The following IRAG1 variants were observed in gnomAD, a reference collection of about 807,000 sequenced individuals.
The protein encoded by IRAG1 is IP3R-associated cGMP kinase substrate.
IRAG1 carries 62 observed loss-of-function variants against 106.2 expected under a neutral mutation model. The observed-to-expected ratio is 0.58, with a 90% CI of 0.48 to 0.72. IRAG1 has a LOEUF of 0.72. Ranked by LOEUF, IRAG1 falls within the 30% of genes least tolerant of loss-of-function variation. IRAG1 has a pLI of 0.00. For synonymous variants in IRAG1, 462 were observed against 443.9 expected, an observed-to-expected ratio of 1.04 and a Z score of -0.51; for missense variants, 1,064 against 1,140.7, an observed-to-expected ratio of 0.93 and a Z score of 0.97.
chr11:10,658,934 C>T (rs1405173862), intron 1 of IRAG1, among the ~76,000 whole-genome samples: 1 of 148,956 alleles, frequency 6.7e-6, no homozygotes, highest in Non-Finnish European at 1.5e-5. Flanking sequence ...CTGTGCTGTG[C>T]TCAGTCCCAG....
At chr11:10,680,342 AAGG>A (rs1861069082) in intron 1 of IRAG1, among the ~76,000 whole-genome samples, 1 of 96,502 alleles carries the variant, frequency 1.0e-5, no homozygotes, top group Non-Finnish European at 2.0e-5. Context: ...GGAAGGAAGG[AAGG>A]AAAGAAAGAA....
chr11:10,596,574 T>G (rs1853335105), intron 15 of IRAG1, among the ~76,000 whole-genome samples: 1 of 152,240 alleles, frequency 6.6e-6, no homozygotes, highest in Admixed American at 6.5e-5. Flanking sequence ...CCATTCTTTC[T>G]TGGCATATTT....
chr11:10,666,789 C>G (rs1859817444), intron 1 of IRAG1, among the ~76,000 whole-genome samples: 1 of 152,216 alleles, frequency 6.6e-6, no homozygotes, highest in South Asian at 2.1e-4. Context: ...AGCAGTTTTG[C>G]TGGAGCTGTT....
chr11:10,670,792 C>T (rs1860158288), intron 1 of IRAG1, among the ~76,000 whole-genome samples: 1 of 152,102 alleles, frequency 6.6e-6, no homozygotes, highest in African/African-American at 2.4e-5. Context: ...AAGGATGTGC[C>T]TATACAGAAG....
chr11:10,651,040 T>A (rs1453846812), intron 2 of IRAG1, among the ~76,000 whole-genome samples: 1 of 152,196 alleles, frequency 6.6e-6, no homozygotes, highest in Non-Finnish European at 1.5e-5. Context: ...TTAAAAAGCG[T>A]CTATCCCACC....
intron 15 of IRAG1, among the ~76,000 whole-genome samples, chr11:10,598,248 G>C (rs1471072224): frequency 6.6e-6 from 1 of 152,172 alleles, no homozygotes; most frequent in Non-Finnish European, 1.5e-5. Context: ...GGAAGCTGCA[G>C]GGTCAGCTTG....
chr11:10,620,554 T>C (rs2134503154), intron 10 of IRAG1, among the ~76,000 whole-genome samples: 1 of 152,288 alleles, frequency 6.6e-6, no homozygotes, highest in Admixed American at 6.5e-5. Flanking sequence ...ACATTTTAAG[T>C]TTGAGCTTCC....
In IRAG1 at chr11:10,629,542, T is replaced by C; in HGVS notation, c.570A>G (p.Pro190=). The change falls in exon 5 of 21, where the codon CCA becomes CCG. Residue 190 remains proline, a synonymous_variant. Coordinates refer to ENST00000423302, the MANE Select transcript of IRAG1 (RefSeq NM_130385.4). The part of the protein sequence containing the change: ...RKSRSSPGDS[P]SAVSPNLSPS... ...CTGTACATCCTGCCACCCTACCTGATGGGGAGTCTCCGGGGCTGCTCCTGG... is the reference window on the plus strand; with the variant it reads ...CTGTACATCCTGCCACCCTACCTGACGGGGAGTCTCCGGGGCTGCTCCTGG... 1 of 1,612,926 alleles carries C rather than the reference T, an allele frequency of 6.2e-7. No individual in the cohort carries two copies. Among genetic ancestry groups the C allele is most frequent in the Non-Finnish European group, 8.5e-7 (1 of 1,179,366 alleles).
intron 18 of IRAG1, among the ~76,000 whole-genome samples, chr11:10,582,398 G>A (rs928593517): frequency 1.3e-5 from 2 of 151,264 alleles, no homozygotes; most frequent in African/African-American, 2.4e-5. Context: ...CTAAGCCACA[G>A]GCACATTGTA....
At chr11:10,622,080 T>TA (rs1272667335) in intron 10 of IRAG1, among the ~76,000 whole-genome samples, 2 of 152,170 alleles carry the variant, frequency 1.3e-5, no homozygotes, top group Non-Finnish European at 2.9e-5. Context: ...ACTGTATACT[T>TA]AAAAATGGCT....
intron 2 of IRAG1, among the ~76,000 whole-genome samples, chr11:10,638,831 G>C (rs963293522): frequency 6.6e-6 from 1 of 152,166 alleles, no homozygotes; most frequent in African/African-American, 2.4e-5. Context: ...AAAAATAATT[G>C]TGGTGGTATT....
chr11:10,589,429 T>G (rs1189645417), intron 18 of IRAG1, among the ~76,000 whole-genome samples: 1 of 152,110 alleles, frequency 6.6e-6, no homozygotes, highest in Non-Finnish European at 1.5e-5. Context: ...TATATTTATT[T>G]ATTTATTTAT....
chr11:10,609,025 C>A (rs528013426), intron 11 of IRAG1, among the ~76,000 whole-genome samples: 1 of 152,288 alleles, frequency 6.6e-6, no homozygotes, highest in Admixed American at 6.5e-5. Flanking sequence ...CAACTTCACT[C>A]TTTTGTATGT....
intron 1 of IRAG1, among the ~76,000 whole-genome samples, chr11:10,674,609 T>G (rs1860503249): frequency 6.6e-6 from 1 of 152,170 alleles, no homozygotes; most frequent in Admixed American, 6.5e-5. Flanking sequence ...CACATTTTGT[T>G]CCACCCTCCT....
intron 1 of IRAG1, among the ~76,000 whole-genome samples, chr11:10,684,312 A>T (rs1466561540): frequency 6.6e-6 from 1 of 152,198 alleles, no homozygotes; most frequent in Non-Finnish European, 1.5e-5. Flanking sequence ...TTGTAGGGAC[A>T]TGGATGAAAC....
At chr11:10,622,876 G>GACACACACACACAGACACACACAC (rs1554923880) in intron 10 of IRAG1, among the ~76,000 whole-genome samples, 3 of 141,384 alleles carry the variant, frequency 2.1e-5, no homozygotes, top group Non-Finnish European at 4.7e-5. Flanking sequence ...GTAAGCAGTG[G>GACACACACACACAGACACACACAC]ACACACACAC....
chr11:10,667,572 C>T (rs1456817532), intron 1 of IRAG1, among the ~76,000 whole-genome samples: 1 of 152,154 alleles, frequency 6.6e-6, no homozygotes, highest in Non-Finnish European at 1.5e-5. Flanking sequence ...TTCTACATGT[C>T]CAGATGAGAA....
chr11:10,678,298 C>G (rs185337328), intron 1 of IRAG1, among the ~76,000 whole-genome samples: 1 of 152,214 alleles, frequency 6.6e-6, no homozygotes. Context: ...ACTGCTTTCA[C>G]GCTGAGAGAG....
At position 10,669,859 on chromosome 11, in the gene IRAG1, G is replaced by C. The variant is rs735045; in HGVS notation, c.68-17677C>G. Among the ~76,000 whole-genome samples, 1,417 of 152,292 alleles carry C rather than the reference G, an allele frequency of 9.3e-3. 9 individuals are homozygous for C. Among genetic ancestry groups the C allele is most frequent in the South Asian group, 0.02 (98 of 4,826 alleles). ...ACTGACTTTTATTGATTTCCCAGCA[G>C]GTGATTTATAACTGCCTGCTTCCTA... On this transcript the variant is annotated intron_variant, in intron 1 of 20. Transcript: ENST00000423302.
Sources: allele counts gnomAD v4.1 joint callset (sites outside exome capture counted in the v4.1 genomes callset), GRCh38; gene constraint gnomAD v4.1.1; transcripts MANE v1.5; gene names NCBI Gene and HGNC (gene_info 2026-07-23, HGNC 2026-07-21).